The following AP2A2 variants were observed in gnomAD, a reference collection of about 807,000 sequenced individuals.
AP2A2 encodes the protein AP-2 complex subunit alpha-2.
AP2A2 carries 32 observed loss-of-function variants against 104.2 expected under a neutral mutation model. The ratio of observed to expected loss-of-function variants is 0.31; its 90% confidence interval spans 0.23 to 0.41. AP2A2 has a LOEUF of 0.41. Ranked by LOEUF, AP2A2 falls within the 10% of genes least tolerant of loss-of-function variation. The pLI, the probability that AP2A2 is intolerant of heterozygous loss-of-function variation, is 1.00. For synonymous variants in AP2A2, 539 were observed against 533.3 expected (o/e 1.01, Z -0.15); for missense variants, 912 against 1,261.0 (o/e 0.72, Z 4.19).
intron 15 of AP2A2, 199 bp from the exon 16 acceptor site, chr11:1,003,523 G>A (rs10902264): frequency 0.5 from 236,157 of 472,238 alleles, 61,721 homozygotes; most frequent in Admixed American, 0.64. Context: ...CTGTGTCCGC[G>A]TCCCTGCGTC....
chr11:948,320 A>G (rs969780032), intron 1 of AP2A2: 6 of 152,252 alleles, frequency 3.9e-5, no homozygotes, highest in Non-Finnish European at 7.3e-5. Flanking sequence ...AATTCCATGA[A>G]TAATTGTGTA....
chr11:944,456 G>A (rs547423840), intron 1 of AP2A2, among the ~76,000 whole-genome samples: 1 of 152,290 alleles, frequency 6.6e-6, no homozygotes, highest in South Asian at 2.1e-4. Flanking sequence ...CATTCTAGTG[G>A]ACAGAGATCA....
At chr11:987,078 G>C in intron 9 of AP2A2, 125 bp downstream of exon 9, 1 of 1,168,492 alleles carries the variant, frequency 8.6e-7, no homozygotes, top group Non-Finnish European at 1.2e-6. Context: ...TGGTGCTGCT[G>C]GCCTCCGCCT....
intron 8 of AP2A2, among the ~76,000 whole-genome samples, chr11:986,257 C>T (rs899161712): frequency 2.0e-5 from 3 of 152,260 alleles, no homozygotes; most frequent in African/African-American, 4.8e-5. Flanking sequence ...AGCATTTTTA[C>T]AAATGATGAA....
At chr11:967,709 T>TA (rs1395071946) in intron 2 of AP2A2, among the ~76,000 whole-genome samples, 1 of 152,112 alleles carries the variant, frequency 6.6e-6, no homozygotes, top group African/African-American at 2.4e-5. Context: ...TCAGAGAGGT[T>TA]AAGGAATACG....
intron 15 of AP2A2, among the ~76,000 whole-genome samples, chr11:1,002,234 C>T (rs1311387546): frequency 6.6e-6 from 1 of 152,252 alleles, no homozygotes; most frequent in Non-Finnish European, 1.5e-5. Context: ...AACTCCGTGG[C>T]CCCTCGCGTG....
rs564268063 is a variant in AP2A2 at position 969,641 on chromosome 11, G to A, written c.137-528G>A. ...CTTGTGAGGGGCTCAGACAAACTGC[G>A]ATGAGGCAGAGAAACAGAAGCCCTA... is the stretch of plus-strand genomic sequence containing the variant. On this transcript the variant is annotated intron_variant, in intron 2 of 21. Transcript: ENST00000448903. Among the ~76,000 whole-genome samples, 5 of 152,284 alleles carry A rather than the reference G, an allele frequency of 3.3e-5. No individual in the cohort carries two copies. The South Asian group carries it at 1.0e-3, about 32-fold the overall frequency.
chr11:983,017 C>CTT lies in AP2A2; in HGVS notation c.706-1608_706-1607dup, dbSNP rs56742889. ...GTGGAACTGTGCATATTTTCTTTTT[C>CTT]TTTTTTTTTTTTTTTTTTTTTGAGT... On this transcript the variant is annotated intron_variant, in intron 6 of 21. Coordinates refer to ENST00000448903, the MANE Select transcript of AP2A2 (RefSeq NM_012305.4). 8.5e-5 allele frequency among the ~76,000 whole-genome samples: 7 copies of CTT among 82,386 alleles called. 1 individual carries two copies. Among genetic ancestry groups the CTT allele is most frequent in the Admixed American group, 3.2e-4 (2 of 6,174 alleles). 54.0% of individuals were successfully genotyped at this position (82,386 alleles called of 152,430 possible).
At position 993,697 on chromosome 11, in the gene AP2A2, G is replaced by C; in HGVS notation, c.1551-57G>C. The C allele has an allele frequency of 7.2e-7, 1 of 1,383,678 alleles. No homozygotes were observed. 85.7% of individuals were successfully genotyped at this position (1,383,678 alleles called of 1,614,324 possible). On this transcript the variant is annotated intron_variant, in intron 12 of 21. Transcript: ENST00000448903. This position sits in a 1 kb window ranked among gnomAD's most constrained non-coding sequence, Gnocchi z 8.2. Reference sequence around the variant, plus strand: ...GCCGCCGTCCCCCCCCCGCGGGGGCGTGCTGCAGCCTGCGAGGGGACGACG... The same window carrying C: ...GCCGCCGTCCCCCCCCCGCGGGGGCCTGCTGCAGCCTGCGAGGGGACGACG...
rs112778592 is a variant in AP2A2, at chr11:951,200, C to T, written c.68-8237C>T. ...ATCAGAAAAATGCATATCAAAATCA[C>T]AATGAGATACTGCATCACACTTACC... On this transcript the variant is annotated intron_variant, in intron 1 of 21. Transcript: ENST00000448903. Among the ~76,000 whole-genome samples the T allele has an allele frequency of 5.3e-5, 8 of 151,984 alleles. 1 individual carries two copies. Among genetic ancestry groups the T allele is most frequent in the African/African-American group, 1.9e-4 (8 of 41,444 alleles).
At chr11:945,152 A>G (rs1427984786) in intron 1 of AP2A2, among the ~76,000 whole-genome samples, 1 of 151,916 alleles carries the variant, frequency 6.6e-6, no homozygotes, top group East Asian at 1.9e-4. Flanking sequence ...CGCTGCAGAG[A>G]GGCATGAGCA....
chr11:1,011,365 C>T lies in AP2A2; in HGVS notation c.*740C>T, dbSNP rs373498693. 118 of 518,064 alleles carry T rather than the reference C, an allele frequency of 2.3e-4. No individual in the cohort carries two copies. Among genetic ancestry groups the T allele is most frequent in the Non-Finnish European group, 3.9e-4 (102 of 259,658 alleles). 32.1% of individuals were successfully genotyped at this position (518,064 alleles called of 1,614,324 possible). A position where few individuals can be genotyped will look rare whatever the true frequency, so the allele number is the denominator to read the frequency against. ...CAGGACTCCAGGGTAAAGTGTGGGC[C>T]GGTGGCGCAAGACTCAGAGGTGTGC... On this transcript the variant is annotated 3_prime_UTR_variant, in exon 22 of 22. Transcript: ENST00000448903.
chr11:998,243 G>A (rs1380343536), intron 14 of AP2A2, among the ~76,000 whole-genome samples: 1 of 152,122 alleles, frequency 6.6e-6, no homozygotes, highest in Non-Finnish European at 1.5e-5. Flanking sequence ...GTCTTCTCTT[G>A]CAGAGGTGCT....
In AP2A2 at chr11:925,906, A is replaced by T; in HGVS notation, c.-116A>T. 2.7e-6 allele frequency: 2 copies of T among 740,318 alleles called. No individual in the cohort carries two copies. The highest frequency in any genetic ancestry group is 3.8e-6 in the Non-Finnish European group (2 of 527,154). The allele number at this position is 740,318 out of a possible 1,614,324, so 45.9% of individuals were successfully genotyped here. On this transcript the variant is annotated 5_prime_UTR_variant, in exon 1 of 22. Transcript: ENST00000448903. ...CTGGGACCCTGAGGCGGCCGTGGTT[A>T]GGCGGCTCCCCGGCGGCTCCTCCGC...
intron 4 of AP2A2, among the ~76,000 whole-genome samples, chr11:973,752 C>T (rs1255463772): frequency 6.6e-6 from 1 of 152,208 alleles, no homozygotes; most frequent in Non-Finnish European, 1.5e-5. Context: ...CTCAGGGCCA[C>T]GGCCTCCTGG....
chr11:1,003,129 C>G (rs932584480), intron 15 of AP2A2, among the ~76,000 whole-genome samples: 9 of 152,252 alleles, frequency 5.9e-5, no homozygotes, highest in Admixed American at 4.6e-4. Flanking sequence ...TCCCCTAATT[C>G]TGTGTAGTGT....
At position 1,008,576 on chromosome 11, in the gene AP2A2, A is replaced by AT. The variant is rs534785440; in HGVS notation, c.2420+445dup. The AT allele has an allele frequency of 8.2e-4, 159 of 194,228 alleles. 2 individuals are homozygous for AT. In the South Asian group the frequency reaches 0.018, roughly 22 times the overall value. The allele number at this position is 194,228 out of a possible 1,614,324, so 12.0% of individuals were successfully genotyped here. On this transcript the variant is annotated intron_variant, in intron 18 of 21. Coordinates refer to ENST00000448903, the MANE Select transcript of AP2A2 (RefSeq NM_012305.4). ...TTTGCTTATTTTTTAAAAGCATAGG[A>AT]TTTTCCTGTTGCGACTGTTCATTAC...
chr11:959,427 T>G lies in AP2A2; in HGVS notation c.68-10T>G, dbSNP rs781692514. The G allele has an allele frequency of 1.6e-5, 23 of 1,475,438 alleles. No homozygotes were observed. Among genetic ancestry groups the G allele is most frequent in the Non-Finnish European group, 2.1e-5 (22 of 1,066,578 alleles). The allele number at this position is 1,475,438 out of a possible 1,614,324, so 91.4% of individuals were successfully genotyped here. On this transcript the variant is annotated splice_polypyrimidine_tract_variant and intron_variant, in intron 1 of 21. Transcript: ENST00000448903. ...TTAAAATAAAAATGGCTTTTTGTTC[T>G]TTTTTTTAGGTAAAAGTAAAGAAGC... is the stretch of plus-strand genomic sequence containing the variant.
chr11:981,535 C>T (rs919509639), intron 6 of AP2A2, among the ~76,000 whole-genome samples: 2 of 152,196 alleles, frequency 1.3e-5, no homozygotes, highest in African/African-American at 2.4e-5. Flanking sequence ...GGAGGGGCAC[C>T]CAGTGGCCCC....
Sources: allele counts gnomAD v4.1 joint callset (sites outside exome capture counted in the v4.1 genomes callset), GRCh38; gene constraint gnomAD v4.1.1; non-coding constraint Gnocchi (gnomAD v3.1); transcripts MANE v1.5; gene names NCBI Gene and HGNC (gene_info 2026-07-23, HGNC 2026-07-21).